Variants in BAZ2B observed in about 807,000 individuals in gnomAD.
BAZ2B encodes bromodomain adjacent to zinc finger domain protein 2B.
A neutral mutation model predicts 246.0 loss-of-function variants in BAZ2B; 91 were observed. That is an observed-to-expected ratio of 0.37 (90% CI 0.31 to 0.44). BAZ2B has a LOEUF of 0.44. BAZ2B is among the 20% of genes least tolerant of loss of function. The pLI is 1.00. For synonymous variants in BAZ2B, 855 were observed against 860.0 expected, an observed-to-expected ratio of 0.99 and a Z score of 0.10; for missense variants, 2,332 against 2,533.7, an observed-to-expected ratio of 0.92 and a Z score of 1.71.
At chr2:159,588,382 G>A (rs370136407) in intron 1 of BAZ2B, among the ~76,000 whole-genome samples, 3 of 151,858 alleles carry the variant, frequency 2.0e-5, no homozygotes, top group African/African-American at 4.8e-5. Flanking sequence ...AAATAGGCTG[G>A]GTATAGTGGT....
chr2:159,459,519 T>G (rs975867171), intron 3 of BAZ2B: 4 of 152,222 alleles, frequency 2.6e-5, no homozygotes, highest in African/African-American at 9.6e-5. Context: ...ATTGCTGTTT[T>G]GTTTACACCC....
downstream of BAZ2B, among the ~76,000 whole-genome samples, chr2:159,316,459 G>A (rs1488999721): frequency 6.6e-6 from 1 of 151,986 alleles, no homozygotes; most frequent in Non-Finnish European, 1.5e-5. Flanking sequence ...TCGGGAGGCC[G>A]TGGGGGCAGA....
chr2:159,635,157 C>T, the BAZ2B span, among the ~76,000 whole-genome samples: 9 of 152,064 alleles, frequency 5.9e-5, no homozygotes, highest in Admixed American at 2.6e-4. Context: ...GGGAGGTTTG[C>T]CCTATCTACT....
the BAZ2B span, among the ~76,000 whole-genome samples, chr2:159,663,597 G>T: frequency 1.3e-5 from 2 of 150,650 alleles, no homozygotes; most frequent in Admixed American, 1.3e-4. Context: ...TTGGCTCACT[G>T]CAACCTCTGC....
chr2:159,551,465 T>TAAAAAAAAAAAA (rs2088231500), intron 2 of BAZ2B, among the ~76,000 whole-genome samples: 1 of 35,570 alleles, frequency 2.8e-5, no homozygotes. Flanking sequence ...AGACTCAGAC[T>TAAAAAAAAAAAA]CAAAAAAAAA....
chr2:159,498,316 T>A (rs1331183969), intron 2 of BAZ2B, among the ~76,000 whole-genome samples: 1 of 152,192 alleles, frequency 6.6e-6, no homozygotes, highest in Non-Finnish European at 1.5e-5. Flanking sequence ...ATAAGTTAAA[T>A]GTAAGCAAAC....
At chr2:159,665,604 G>T in the BAZ2B span, among the ~76,000 whole-genome samples, 1 of 124,674 alleles carries the variant, frequency 8.0e-6, no homozygotes, top group African/African-American at 3.2e-5. Context: ...AATGGGGAAA[G>T]GATTCCCTAT....
At chr2:159,324,749 AAT>A (rs993887166) in intron 36 of BAZ2B, 60 bp downstream of exon 36, 22 of 1,238,070 alleles carry the variant, frequency 1.8e-5, no homozygotes, top group Non-Finnish European at 2.0e-5. Context: ...GCTCACTAAA[AAT>A]ATGCCTAGCA....
At chr2:159,528,073 T>C (rs1240856851) in intron 2 of BAZ2B, among the ~76,000 whole-genome samples, 1 of 152,134 alleles carries the variant, frequency 6.6e-6, no homozygotes, top group Non-Finnish European at 1.5e-5. Flanking sequence ...AGACAGGCTG[T>C]GGAAGATTTC....
intron 34 of BAZ2B, among the ~76,000 whole-genome samples, chr2:159,326,506 A>T (rs962403188): frequency 2.6e-5 from 4 of 152,234 alleles, no homozygotes; most frequent in African/African-American, 9.6e-5. Flanking sequence ...TGAACAAAGC[A>T]GTGGTGAAAG....
chr2:159,399,785 G>C (rs757626694), intron 17 of BAZ2B, among the ~76,000 whole-genome samples: 1 of 152,100 alleles, frequency 6.6e-6, no homozygotes, highest in Non-Finnish European at 1.5e-5. Flanking sequence ...AGCAGTTTCC[G>C]GAATGGTGGA....
Position 159,433,009 on chromosome 2 carries a change from G to A in BAZ2B, c.1648C>T (p.Pro550Ser). Reference protein sequence around the residue: ...SGRRTPGNQTPVMPSASPILH... With the variant: ...SGRRTPGNQTSVMPSASPILH... ...ATGGGAGAGGCAGAGGGCATTACAG[G>A]TGTCTGATTGCCAGGGGTTCTTCTC... Residue 550 changes from proline (P) to serine (S), a missense_variant, in exon 9 of 37, where the codon CCT (proline) becomes TCT (serine). This residue lies in a region of BAZ2B where 651 missense variants were observed against 650.9 expected (regional missense o/e 1.00). Transcript: ENST00000392783. 6.2e-7 allele frequency: 1 copy of A among 1,614,138 alleles called. No homozygotes were observed.
intron 27 of BAZ2B, among the ~76,000 whole-genome samples, chr2:159,353,710 C>G (rs1326094094): frequency 1.3e-5 from 2 of 152,136 alleles, no homozygotes; most frequent in African/African-American, 2.4e-5. Context: ...GAATAGTTCC[C>G]GTTCCTACCC....
At chr2:159,650,293 G>T in the BAZ2B span, among the ~76,000 whole-genome samples, 1 of 150,168 alleles carries the variant, frequency 6.7e-6, no homozygotes, top group Non-Finnish European at 1.5e-5. Flanking sequence ...GAACATGTTT[G>T]TATTACTATA....
chr2:159,491,898 A>G (rs1039366046), intron 2 of BAZ2B, among the ~76,000 whole-genome samples: 12 of 152,080 alleles, frequency 7.9e-5, no homozygotes, highest in African/African-American at 2.9e-4. Flanking sequence ...TGCTGAAGAT[A>G]GTCATTATTA....
At position 159,320,555 on chromosome 2, in the gene BAZ2B, T is replaced by C. The variant is rs570192302; in HGVS notation, c.6354-137A>G. ...ATTTAAATTGATATAAAATACATGA[T>C]ATCCTCTTACAAATGGAACATTTAA... On this transcript the variant is annotated intron_variant, in intron 36 of 36. Transcript: ENST00000392783. The C allele has an allele frequency of 4.5e-6, 3 of 668,558 alleles. No homozygotes were observed. The Admixed American group carries it at 1.2e-4, about 27-fold the overall frequency. 41.4% of individuals were successfully genotyped at this position (668,558 alleles called of 1,614,324 possible). A position where few individuals can be genotyped will look rare whatever the true frequency, so the allele number is the denominator to read the frequency against.
chr2:159,565,144 T>A (rs145042949), intron 1 of BAZ2B, among the ~76,000 whole-genome samples: 2,138 of 152,300 alleles, frequency 0.014, 18 homozygotes, highest in Non-Finnish European at 0.022. Flanking sequence ...GTGCTGGGAT[T>A]ACAGGCGTGA....
the BAZ2B span, among the ~76,000 whole-genome samples, chr2:159,702,561 A>ACAAAATAGAT: frequency 2.6e-5 from 4 of 152,256 alleles, no homozygotes; most frequent in African/African-American, 7.2e-5. Context: ...ATCAGTAATA[A>ACAAAATAGAT]CAAAATAGAT....
chr2:159,431,410 A>T (rs2071087831), intron 9 of BAZ2B, among the ~76,000 whole-genome samples: 2 of 152,216 alleles, frequency 1.3e-5, no homozygotes, highest in Admixed American at 1.3e-4. Context: ...TCACATGATG[A>T]GTTCTGCTTA....
Sources: gnomAD v4.1 joint callset for allele counts (sites outside exome capture counted in the v4.1 genomes callset) on GRCh38, gnomAD v4.1.1 for gene constraint, gnomAD v4.1.1 regional missense constraint, MANE v1.5 for transcripts, NCBI Gene and HGNC (gene_info 2026-07-23, HGNC 2026-07-21) for gene names.